Variants in ANK3 observed in about 807,000 individuals in gnomAD.
The protein encoded by ANK3 is ankyrin 3, also known as ankyrin-3.
In ANK3, 57 loss-of-function variants were observed where a neutral mutation model predicts 370.9. The observed-to-expected ratio is 0.15, with a 90% CI of 0.12 to 0.19. The LOEUF (loss-of-function observed/expected upper bound fraction) is 0.19. Ranked by LOEUF, ANK3 falls within the 10% of genes least tolerant of loss-of-function variation. ANK3 has a pLI of 1.00. For missense variants in ANK3, 4,439 were observed against 5,302.1 expected (o/e 0.84, Z 5.06); for synonymous variants, 1,929 against 1,946.3 (o/e 0.99, Z 0.23).
intron 1 of ANK3, chr10:60,685,157 G>A: frequency 1.6e-6 from 1 of 607,172 alleles, no homozygotes; most frequent in Non-Finnish European, 2.7e-6. Flanking sequence ...TCTACAGCCT[G>A]GTTTGCCTGT....
intron 25 of ANK3, among the ~76,000 whole-genome samples, chr10:60,126,215 G>A (rs1287907304): frequency 6.6e-6 from 1 of 152,154 alleles, no homozygotes; most frequent in Non-Finnish European, 1.5e-5. Flanking sequence ...GTCTGAAAAG[G>A]AAGTCTTCAA....
At chr10:60,146,320 T>A (rs941062262) in intron 23 of ANK3, among the ~76,000 whole-genome samples, 1 of 152,184 alleles carries the variant, frequency 6.6e-6, no homozygotes, top group Non-Finnish European at 1.5e-5. Context: ...TTCTAGTAGT[T>A]TCAGGGGTAC....
intron 8 of ANK3, among the ~76,000 whole-genome samples, chr10:60,219,609 C>T (rs2097005590): frequency 6.6e-6 from 1 of 152,184 alleles, no homozygotes; most frequent in African/African-American, 2.4e-5. Context: ...GAGTTATTCA[C>T]TTAAAACTAA....
intron 25 of ANK3, among the ~76,000 whole-genome samples, chr10:60,117,972 G>A (rs533607589): frequency 6.6e-6 from 1 of 152,228 alleles, no homozygotes; most frequent in South Asian, 2.1e-4. Flanking sequence ...GAGGAAAAGT[G>A]TGGAAAAAAA....
At chr10:60,433,043 A>G (rs903827929) in intron 2 of ANK3, among the ~76,000 whole-genome samples, 1 of 152,216 alleles carries the variant, frequency 6.6e-6, no homozygotes, top group African/African-American at 2.4e-5. Context: ...GACTGCCCCC[A>G]GTGCTCTTTA....
intron 1 of ANK3, among the ~76,000 whole-genome samples, chr10:60,624,398 G>T (rs1436780384): frequency 1.3e-5 from 2 of 152,026 alleles, no homozygotes; most frequent in East Asian, 1.9e-4. Context: ...ACTGTTGCTG[G>T]AAGAAGTGGC....
At chr10:60,213,946 T>C (rs545007322) in intron 8 of ANK3, among the ~76,000 whole-genome samples, 1 of 152,310 alleles carries the variant, frequency 6.6e-6, no homozygotes, top group Non-Finnish European at 1.5e-5. Context: ...AGGTTTTTTA[T>C]TGATTACTAC....
intron 1 of ANK3, among the ~76,000 whole-genome samples, chr10:60,668,302 A>G (rs1010654044): frequency 2.0e-5 from 3 of 151,448 alleles, no homozygotes; most frequent in African/African-American, 4.9e-5. Context: ...AAGATCTTCC[A>G]TAGAGAAGGT....
intron 7 of ANK3, among the ~76,000 whole-genome samples, chr10:60,250,599 T>A (rs2097646638): frequency 6.6e-6 from 1 of 152,152 alleles, no homozygotes; most frequent in African/African-American, 2.4e-5. Context: ...TCTCCTGACC[T>A]TGTGATCTGC....
chr10:60,057,206 C>T (rs1028215941), intron 41 of ANK3, among the ~76,000 whole-genome samples: 2 of 152,090 alleles, frequency 1.3e-5, no homozygotes, highest in African/African-American at 4.8e-5. Context: ...GGTTGCACAC[C>T]CTTTTCTACC....
At chr10:60,465,776 C>CTT (rs1002378251) in intron 2 of ANK3, among the ~76,000 whole-genome samples, 5 of 132,850 alleles carry the variant, frequency 3.8e-5, no homozygotes, top group Non-Finnish European at 4.9e-5. Context: ...TTTTCTTTTT[C>CTT]TTTTTTTTCT....
Position 60,450,808 on chromosome 10 carries a change from AT to A in ANK3, c.96+164377del, listed in dbSNP as rs371143970. Among the ~76,000 whole-genome samples, 24 of 152,302 alleles carry A rather than the reference AT, an allele frequency of 1.6e-4. No individual in the cohort carries two copies. The East Asian group carries it at 4.2e-3, about 27-fold the overall frequency. On this transcript the variant is annotated intron_variant, in intron 2 of 43. Coordinates refer to the ANK3 transcript ENST00000373827. ...TAACAAGAAAAATGTAGCACTTCAT[AT>A]TTCACAGAACACTTAACGTGAATTT...
intron 2 of ANK3, among the ~76,000 whole-genome samples, chr10:60,476,637 T>A (rs926188163): frequency 6.6e-6 from 1 of 152,184 alleles, no homozygotes; most frequent in South Asian, 2.1e-4. Context: ...TTTACTCTAG[T>A]GGTGAGAATA....
intron 2 of ANK3, among the ~76,000 whole-genome samples, chr10:60,399,064 C>T (rs530085130): frequency 6.6e-6 from 1 of 152,044 alleles, no homozygotes; most frequent in Non-Finnish European, 1.5e-5. Context: ...TATGGGGTAT[C>T]GCCTATGTAT....
At chr10:60,655,807 G>T (rs906026416) in intron 1 of ANK3, among the ~76,000 whole-genome samples, 3 of 152,090 alleles carry the variant, frequency 2.0e-5, no homozygotes, top group African/African-American at 7.2e-5. Context: ...CATGGGAAGT[G>T]CCCTACACAG....
chr10:60,636,526 A>G (rs1463206980), intron 1 of ANK3, among the ~76,000 whole-genome samples: 1 of 152,230 alleles, frequency 6.6e-6, no homozygotes, highest in Non-Finnish European at 1.5e-5. Flanking sequence ...GCAGACAGCT[A>G]AGATGAAATC....
chr10:60,026,563 G>A lies in ANK3; in HGVS notation c.*3283C>T, dbSNP rs1427271367. ...CCTGTCATACAGCCAAACGTGAGCT[G>A]ATGCTGACAATAGTTTATTGGCCAT... On this transcript the variant is annotated 3_prime_UTR_variant, in exon 44 of 44. Transcript: ENST00000280772. 1 of 152,178 alleles carries A rather than the reference G, an allele frequency of 6.6e-6. No homozygotes were observed. The highest frequency in any genetic ancestry group is 1.5e-5 in the Non-Finnish European group (1 of 68,030). 9.4% of individuals were successfully genotyped at this position (152,178 alleles called of 1,614,324 possible).
intron 28 of ANK3, among the ~76,000 whole-genome samples, chr10:60,093,860 C>A (rs1375201016): frequency 6.6e-6 from 1 of 152,192 alleles, no homozygotes; most frequent in Non-Finnish European, 1.5e-5. Context: ...CCTCCACATT[C>A]AAATTCTGAC....
At chr10:60,384,922 C>T (rs1158963863) in intron 1 of ANK3, among the ~76,000 whole-genome samples, 1 of 152,096 alleles carries the variant, frequency 6.6e-6, no homozygotes, top group East Asian at 1.9e-4. Context: ...TATGCAACAC[C>T]CCCTCTCCAC....
Sources: gnomAD v4.1 joint callset for allele counts (sites outside exome capture counted in the v4.1 genomes callset) on GRCh38, gnomAD v4.1.1 for gene constraint, MANE v1.5 for transcripts, NCBI Gene and HGNC (gene_info 2026-07-23, HGNC 2026-07-21) for gene names.